The following RAE1 variants were observed in gnomAD, a reference collection of about 807,000 sequenced individuals.
The protein encoded by RAE1 is mRNA export factor RAE1.
Under a neutral mutation model 52.7 loss-of-function variants are expected in RAE1, and 13 were observed. The ratio of observed to expected loss-of-function variants is 0.25; its 90% CI spans 0.16 to 0.39. The LOEUF (loss-of-function observed/expected upper bound fraction) is 0.39. Ranked by LOEUF, RAE1 falls within the 10% of genes least tolerant of loss-of-function variation. RAE1 has a pLI of 1.00. For synonymous variants in RAE1, 164 were observed against 153.1 expected (o/e 1.07, Z -0.52); for missense variants, 262 against 459.8 (o/e 0.57, Z 3.93).
intron 5 of RAE1, among the ~76,000 whole-genome samples, chr20:57,365,755 C>A (rs780668784): frequency 1.2e-4 from 18 of 152,272 alleles, no homozygotes; most frequent in Middle Eastern, 6.8e-3. Flanking sequence ...ACAGGTTGGA[C>A]GTTGTGACCT....
At chr20:57,360,945 A>G (rs574877682) in intron 4 of RAE1, among the ~76,000 whole-genome samples, 2 of 152,272 alleles carry the variant, frequency 1.3e-5, no homozygotes, top group South Asian at 2.1e-4. Context: ...TTGCATGTGT[A>G]ATCTTACAAA....
intron 9 of RAE1, 36 bp from the exon 10 acceptor site, chr20:57,373,626 TA>T (rs766570989): frequency 2.2e-5 from 36 of 1,613,352 alleles, no homozygotes; most frequent in Non-Finnish European, 2.5e-5. Flanking sequence ...GGACTTTTTT[TA>T]ACAAAGGAAG....
rs923406304 is a variant in RAE1, at chr20:57,378,264, C to T, written c.*165C>T. The T allele has an allele frequency of 2.6e-5, 15 of 579,040 alleles. No homozygotes were observed. The highest frequency in any genetic ancestry group is 5.6e-5 in the East Asian group (2 of 35,420). The allele number at this position is 579,040 out of a possible 1,614,324, so 35.9% of individuals were successfully genotyped here. On this transcript the variant is annotated 3_prime_UTR_variant, in exon 12 of 12. Transcript: ENST00000395841. ...CAGCTGAGAGCCCAGGCGTCCGCGG[C>T]GACTTGCCGTCTCTCCATTCCACTG...
intron 4 of RAE1, among the ~76,000 whole-genome samples, chr20:57,357,010 C>G (rs886280766): frequency 6.6e-6 from 1 of 152,186 alleles, no homozygotes; most frequent in African/African-American, 2.4e-5. Context: ...TGGCTGAACC[C>G]AACAGTAGTG....
Position 57,356,441 on chromosome 20 carries a change from TA to T in RAE1, c.196-4del, listed in dbSNP as rs750697741. ...TGTTTGCATTGAATTTTTTTGTTAC[TA>T]CAGGTTCGCTGCTGGGAAGTTCAAG... On this transcript the variant is annotated splice_polypyrimidine_tract_variant and splice_region_variant and intron_variant, in intron 3 of 11. Transcript: ENST00000395841. 1 of 1,609,402 alleles carries T rather than the reference TA, an allele frequency of 6.2e-7. No homozygotes were observed. Among genetic ancestry groups the T allele is most frequent in the South Asian group, 1.1e-5 (1 of 90,406 alleles).
chr20:57,371,187 A>C (rs777181046), intron 8 of RAE1: 1 of 152,260 alleles, frequency 6.6e-6, no homozygotes, highest in Non-Finnish European at 1.5e-5. Context: ...ACCAAAAAGC[A>C]CAGGCAACAA....
Position 57,354,694 on chromosome 20 carries a change from T to C in RAE1, c.91-18T>C, listed in dbSNP as rs2066758620. On this transcript the variant is annotated intron_variant, in intron 2 of 11. Transcript: ENST00000395841. ...TTGTGAGCGTGCATACATTTTAACA[T>C]TGACTTTTTTCCCGCAGGATATTGA... The C allele has an allele frequency of 2.6e-6, 4 of 1,539,936 alleles. No individual in the cohort carries two copies. The highest frequency in any genetic ancestry group is 2.8e-5 in the African/African-American group (2 of 70,814).
intron 4 of RAE1, chr20:57,359,152 G>A: frequency 1.6e-6 from 1 of 608,568 alleles, no homozygotes; most frequent in Non-Finnish European, 2.5e-6. Flanking sequence ...TACTGGTAAT[G>A]CTAGAGGTGA....
intron 8 of RAE1, chr20:57,372,631 A>G (rs901979593): frequency 6.6e-6 from 1 of 152,258 alleles, no homozygotes; most frequent in African/African-American, 2.4e-5. Context: ...AGCAAACAGT[A>G]CAGGAATGAA....
At chr20:57,351,870 A>T (rs2066715007) in intron 1 of RAE1, 1 of 985,304 alleles carries the variant, frequency 1.0e-6, no homozygotes, top group African/African-American at 1.7e-5. Flanking sequence ...CCCGCCAAGT[A>T]TTTATTGTAT....
intron 2 of RAE1, 84 bp from the exon 3 acceptor site, chr20:57,354,628 C>A: frequency 3.2e-6 from 3 of 944,184 alleles, no homozygotes; most frequent in African/African-American, 1.7e-5. Context: ...GAAAGGCCAC[C>A]GTGAGGTAAT....
At chr20:57,358,202 GA>G (rs1294765310) in intron 4 of RAE1, 1 of 152,186 alleles carries the variant, frequency 6.6e-6, no homozygotes, top group Non-Finnish European at 1.5e-5. Context: ...GTTCTTTGGT[GA>G]AAAGTTTTAT....
intron 5 of RAE1, 98 bp downstream of exon 5, chr20:57,365,540 G>A (rs559750892): frequency 1.8e-5 from 15 of 852,694 alleles, no homozygotes; most frequent in South Asian, 8.6e-5. Flanking sequence ...ATAAGAAAAC[G>A]TGCAGTTAGA....
At position 57,378,109 on chromosome 20, in the gene RAE1, ACT is replaced by A. The variant is rs773843714; in HGVS notation, c.*13_*14del. 121 of 1,593,188 alleles carry A rather than the reference ACT, an allele frequency of 7.6e-5. No homozygotes were observed. The highest frequency in any genetic ancestry group is 1.0e-4 in the Non-Finnish European group (117 of 1,164,948). On this transcript the variant is annotated 3_prime_UTR_variant, in exon 12 of 12. Transcript: ENST00000395841. The stretch of plus-strand genomic sequence containing the variant: ...CAGGAATAAGAAGTAGTGGCTGGAG[ACT>A]CTGGCTCAGCCAGAGTTGTTTCTCT...
intron 4 of RAE1, among the ~76,000 whole-genome samples, chr20:57,362,034 G>A (rs1252891020): frequency 6.6e-6 from 1 of 152,220 alleles, no homozygotes; most frequent in Non-Finnish European, 1.5e-5. Flanking sequence ...GATCTAGGTT[G>A]TGTCTTCCTT....
At chr20:57,373,055 G>C (rs554511707) in intron 8 of RAE1, 13 of 220,680 alleles carry the variant, frequency 5.9e-5, no homozygotes, top group Non-Finnish European at 1.1e-4. Context: ...CCTGTGAGAC[G>C]GGTGCGGCAG....
At chr20:57,375,230 G>A (rs2067095840) in intron 11 of RAE1, 2 of 601,780 alleles carry the variant, frequency 3.3e-6, no homozygotes, top group African/African-American at 1.9e-5. Flanking sequence ...GCATGATGGT[G>A]AAATGTGTAG....
At chr20:57,377,177 C>T (rs113131443) in intron 11 of RAE1, among the ~76,000 whole-genome samples, 2,396 of 152,240 alleles carry the variant, frequency 0.016, 17 homozygotes, top group Non-Finnish European at 0.024. Context: ...TCTTGGCATG[C>T]CTGTTGGGAA....
At chr20:57,365,732 G>A (rs989499814) in intron 5 of RAE1, among the ~76,000 whole-genome samples, 3 of 152,182 alleles carry the variant, frequency 2.0e-5, no homozygotes, top group Admixed American at 2.0e-4. Flanking sequence ...GTCATAGGTG[G>A]TCCTTGCCAT....
Sources: allele counts gnomAD v4.1 joint callset (sites outside exome capture counted in the v4.1 genomes callset), GRCh38; gene constraint gnomAD v4.1.1; transcripts MANE v1.5; gene names NCBI Gene and HGNC (gene_info 2026-07-23, HGNC 2026-07-21).